CPPED1: variants seen among roughly 807,000 people sequenced by gnomAD.
CPPED1 encodes calcineurin like phosphoesterase domain containing 1.
Under a neutral mutation model 28.0 loss-of-function variants are expected in CPPED1, and 28 were observed. That is an observed-to-expected ratio of 1.00 (90% CI 0.74 to 1.37). The LOEUF (loss-of-function observed/expected upper bound fraction) is 1.37, where lower values mean the gene tolerates loss of function less well. Ranked by LOEUF, CPPED1 falls within the 40% of genes most tolerant of loss-of-function variation. The probability of loss-of-function intolerance (pLI) is 0.00; values close to 1 mark genes in which losing one functional copy is unlikely to be tolerated. For missense variants in CPPED1, 504 were observed against 416.5 expected, an observed-to-expected ratio of 1.21 and a Z score of -1.83; for synonymous variants, 198 against 180.2, an observed-to-expected ratio of 1.10 and a Z score of -0.79.
chr16:12,687,576 G>T (rs902492038), intron 3 of CPPED1, among the ~76,000 whole-genome samples: 1 of 152,200 alleles, frequency 6.6e-6, no homozygotes, highest in Non-Finnish European at 1.5e-5. Flanking sequence ...TTTGAGGCCA[G>T]CCTGGCCAAC....
At chr16:12,692,821 C>T (rs896843984) in intron 3 of CPPED1, among the ~76,000 whole-genome samples, 1 of 152,132 alleles carries the variant, frequency 6.6e-6, no homozygotes, top group Non-Finnish European at 1.5e-5. Flanking sequence ...TACTATAGTC[C>T]CCAGGGAGAA....
chr16:12,704,533 T>C (rs2080037351), intron 3 of CPPED1, 91 bp downstream of exon 3: 16 of 1,351,904 alleles, frequency 1.2e-5, no homozygotes, highest in Non-Finnish European at 1.5e-5. Context: ...TCTCCCTTTT[T>C]GACACATTGC....
At chr16:12,746,669 GA>G (rs1361825813) in intron 2 of CPPED1, among the ~76,000 whole-genome samples, 1 of 151,470 alleles carries the variant, frequency 6.6e-6, no homozygotes, top group South Asian at 2.1e-4. Flanking sequence ...CTTTGTAAAA[GA>G]AAAAAAATCA....
At chr16:12,739,517 G>A (rs1056978843) in intron 2 of CPPED1, among the ~76,000 whole-genome samples, 10 of 152,066 alleles carry the variant, frequency 6.6e-5, no homozygotes, top group African/African-American at 2.2e-4. Flanking sequence ...GGAGGCGGAG[G>A]TTACAGTGAG....
intron 2 of CPPED1, among the ~76,000 whole-genome samples, chr16:12,764,581 C>T (rs1302765628): frequency 6.6e-6 from 1 of 152,084 alleles, no homozygotes; most frequent in Non-Finnish European, 1.5e-5. Flanking sequence ...CTAAGTGATC[C>T]TTCTGCCTCA....
intron 1 of CPPED1, among the ~76,000 whole-genome samples, chr16:12,784,104 AAAG>A (rs1408001200): frequency 1.3e-5 from 2 of 152,234 alleles, no homozygotes; most frequent in Non-Finnish European, 2.9e-5. Flanking sequence ...GAGTGGGCTA[AAAG>A]AAGACCATGA....
At chr16:12,733,852 G>A (rs1397343055) in intron 2 of CPPED1, among the ~76,000 whole-genome samples, 3 of 152,108 alleles carry the variant, frequency 2.0e-5, no homozygotes, top group Admixed American at 2.0e-4. Flanking sequence ...GCTGGGTACA[G>A]CTACTTGACT....
Position 12,753,459 on chromosome 16 carries a change from C to A in CPPED1, c.289+27726G>T, listed in dbSNP as rs2080343947. ...AAGGAACAAACAAAAGCAGCAGCAG[C>A]AGCAGAGAACAGAAGGCCATGCGGT... is the stretch of plus-strand genomic sequence containing the variant. On this transcript the variant is annotated intron_variant, in intron 2 of 3. Coordinates refer to ENST00000381774, the MANE Select transcript of CPPED1 (RefSeq NM_018340.3). 3 of 152,354 alleles carry A rather than the reference C, an allele frequency of 2.0e-5. 1 individual carries two copies. Among genetic ancestry groups the A allele is most frequent in the African/African-American group, 4.8e-5 (2 of 41,448 alleles). The allele number at this position is 152,354 out of a possible 1,614,324, so 9.4% of individuals were successfully genotyped here. A position where few individuals can be genotyped will look rare whatever the true frequency, so the allele number is the denominator to read the frequency against.
At chr16:12,693,543 T>C (rs908240528) in intron 3 of CPPED1, among the ~76,000 whole-genome samples, 2 of 152,190 alleles carry the variant, frequency 1.3e-5, no homozygotes, top group African/African-American at 4.8e-5. Flanking sequence ...TATGCAAACA[T>C]TTTTAAGTAA....
intron 3 of CPPED1, among the ~76,000 whole-genome samples, chr16:12,699,124 T>C (rs1429869158): frequency 1.3e-5 from 2 of 152,194 alleles, no homozygotes; most frequent in Non-Finnish European, 2.9e-5. Flanking sequence ...AATTTCATTA[T>C]CTACTATCTG....
intron 3 of CPPED1, among the ~76,000 whole-genome samples, chr16:12,696,091 G>A (rs567796809): frequency 1.4e-4 from 21 of 152,198 alleles, no homozygotes; most frequent in African/African-American, 4.8e-4. Context: ...GGCTGTAATC[G>A]TCTATCTTCC....
rs553177164 is a variant in CPPED1, at chr16:12,662,236, G to C, written c.*2650C>G. ...TTTTTTAAAGGCAAAGGAATTACAAGTGAACACACTAGTCATGGCCCATCA... is the reference window on the plus strand; with the variant it reads ...TTTTTTAAAGGCAAAGGAATTACAACTGAACACACTAGTCATGGCCCATCA... On this transcript the variant is annotated 3_prime_UTR_variant, in exon 4 of 4. Transcript: ENST00000381774. 1.3e-5 allele frequency: 2 copies of C among 152,210 alleles called. No homozygotes were observed. Among genetic ancestry groups the C allele is most frequent in the East Asian group, 3.9e-4 (2 of 5,176 alleles). The allele number at this position is 152,210 out of a possible 1,614,324, so 9.4% of individuals were successfully genotyped here. A position where few individuals can be genotyped will look rare whatever the true frequency, so the allele number is the denominator to read the frequency against.
chr16:12,756,791 A>C (rs1567297874), intron 2 of CPPED1, among the ~76,000 whole-genome samples: 2 of 152,166 alleles, frequency 1.3e-5, no homozygotes, highest in African/African-American at 4.8e-5. Flanking sequence ...AATCAGACAA[A>C]ACTAAGCAAT....
At chr16:12,725,593 G>A (rs140203915) in intron 2 of CPPED1, among the ~76,000 whole-genome samples, 5 of 152,116 alleles carry the variant, frequency 3.3e-5, no homozygotes, top group African/African-American at 1.2e-4. Context: ...AGGACTCAGG[G>A]TTCAGCTGCA....
intron 2 of CPPED1, among the ~76,000 whole-genome samples, chr16:12,707,122 G>C (rs557141023): frequency 6.6e-6 from 1 of 152,168 alleles, no homozygotes; most frequent in African/African-American, 2.4e-5. Flanking sequence ...GCCAGTTTAG[G>C]AAAGACAAGT....
At position 12,672,732 on chromosome 16, in the gene CPPED1, C is replaced by T. The variant is rs115512336; in HGVS notation, c.716-7617G>A. ...AGTAGTGTAATGCTTCCAATGATCA[C>T]GAATTAATCGGGTGATTGGGAATGA... On this transcript the variant is annotated intron_variant, in intron 3 of 3. Transcript: ENST00000381774. 3.7e-3 allele frequency among the ~76,000 whole-genome samples: 568 copies of T among 152,156 alleles called. 3 individuals are homozygous for T. The highest frequency in any genetic ancestry group is 0.013 in the African/African-American group (521 of 41,516).
chr16:12,691,106 G>A (rs1567276947), intron 3 of CPPED1, among the ~76,000 whole-genome samples: 1 of 152,236 alleles, frequency 6.6e-6, no homozygotes, highest in Non-Finnish European at 1.5e-5. Context: ...CCACTGCCCA[G>A]GCCCCAAGCA....
At position 12,705,058 on chromosome 16, in the gene CPPED1, G is replaced by C. The variant is rs747515370; in HGVS notation, c.290-9C>G. 1 of 1,601,320 alleles carries C rather than the reference G, an allele frequency of 6.2e-7. No individual in the cohort carries two copies. Among genetic ancestry groups the C allele is most frequent in the Non-Finnish European group, 8.5e-7 (1 of 1,171,432 alleles). On this transcript the variant is annotated splice_polypyrimidine_tract_variant and intron_variant, in intron 2 of 3. Transcript: ENST00000381774. ...CGTCCGCCACGGCTTCCCTGGAAGA[G>C]TGAGGGTCACGTCCTGAGAAAGCCA... is the stretch of plus-strand genomic sequence containing the variant.
intron 3 of CPPED1, among the ~76,000 whole-genome samples, chr16:12,696,242 G>T (rs780899008): frequency 1.3e-5 from 2 of 152,044 alleles, no homozygotes. Flanking sequence ...AACCAGGTCC[G>T]CCTGTCCTGG....
Sources: gnomAD v4.1 joint callset for allele counts (sites outside exome capture counted in the v4.1 genomes callset) on GRCh38, gnomAD v4.1.1 for gene constraint, MANE v1.5 for transcripts, NCBI Gene and HGNC (gene_info 2026-07-23, HGNC 2026-07-21) for gene names.